PAPPA: variants seen among roughly 807,000 people sequenced by gnomAD.
PAPPA encodes pappalysin 1.
A neutral mutation model predicts 164.0 loss-of-function variants in PAPPA; 60 were observed. The observed-to-expected ratio is 0.37, with a 90% CI of 0.30 to 0.45. PAPPA has a LOEUF of 0.45. Among genes scored for constraint, PAPPA ranks in the 20% least tolerant of loss-of-function variants. The probability of loss-of-function intolerance (pLI) is 1.00; values close to 1 mark genes in which losing one functional copy is unlikely to be tolerated. For missense variants in PAPPA, 1,782 were observed against 2,087.3 expected (o/e 0.85, Z 2.85); for synonymous variants, 875 against 814.1 (o/e 1.07, Z -1.27).
intron 19 of PAPPA, among the ~76,000 whole-genome samples, chr9:116,376,094 C>A (rs1018536899): frequency 2.0e-5 from 3 of 147,952 alleles, no homozygotes; most frequent in Non-Finnish European, 4.4e-5. Context: ...GATGTCAGCT[C>A]ACTGCAACAT....
chr9:116,172,012 G>T (rs1295130057), intron 1 of PAPPA, among the ~76,000 whole-genome samples: 1 of 152,192 alleles, frequency 6.6e-6, no homozygotes, highest in Non-Finnish European at 1.5e-5. Context: ...TCTGGAAGTT[G>T]AGTCTACTCT....
At chr9:116,340,165 A>G (rs763338076) in intron 13 of PAPPA, among the ~76,000 whole-genome samples, 6 of 152,142 alleles carry the variant, frequency 3.9e-5, no homozygotes, top group Non-Finnish European at 8.8e-5. Context: ...TTGACTGCCC[A>G]TCACTGTTAT....
Position 116,220,050 on chromosome 9 carries a change from GC to G in PAPPA, c.2038del (p.Gln680LysfsTer10). ...CAGGAAACCAGCGCCTGTTGCCCTC[GC>G]CCCCCAAGTTCTGGGCCACACAACG... ...PSRKPAPVAL[A>X]PQVLGHTTDS... is the part of the protein sequence containing the mutation. On this transcript the variant is annotated frameshift_variant, in exon 5 of 22. Transcript: ENST00000328252. LOFTEE classifies it high-confidence loss of function. 1 of 1,613,960 alleles carries G rather than the reference GC, an allele frequency of 6.2e-7. No individual in the cohort carries two copies. Among genetic ancestry groups the G allele is most frequent in the Non-Finnish European group, 8.5e-7 (1 of 1,179,964 alleles).
intron 9 of PAPPA, among the ~76,000 whole-genome samples, chr9:116,277,718 C>A (rs527864190): frequency 3.3e-5 from 5 of 152,192 alleles, no homozygotes; most frequent in Admixed American, 3.3e-4. Context: ...CACTCTGTCA[C>A]CCAGCTGGGG....
At chr9:116,288,410 T>C (rs1356226456) in intron 9 of PAPPA, among the ~76,000 whole-genome samples, 1 of 150,220 alleles carries the variant, frequency 6.7e-6, no homozygotes. Context: ...AGGACCAATT[T>C]ATTTCTGTCT....
intron 14 of PAPPA, among the ~76,000 whole-genome samples, chr9:116,346,137 C>G (rs888277019): frequency 3.9e-5 from 6 of 152,130 alleles, no homozygotes; most frequent in Non-Finnish European, 7.3e-5. Context: ...GGAAAATGTC[C>G]TTTGCTTTTA....
intron 5 of PAPPA, among the ~76,000 whole-genome samples, chr9:116,225,838 C>T (rs185598779): frequency 6.8e-6 from 1 of 147,528 alleles, no homozygotes; most frequent in African/African-American, 2.6e-5. Flanking sequence ...TCCATCCATC[C>T]ATCCATCCAT....
intron 9 of PAPPA, among the ~76,000 whole-genome samples, chr9:116,301,349 T>G (rs1267198287): frequency 1.3e-5 from 2 of 152,346 alleles, no homozygotes; most frequent in East Asian, 3.9e-4. Context: ...TCCTGCAACA[T>G]GTAGACTTAA....
At chr9:116,286,648 C>T (rs1845343124) in intron 9 of PAPPA, 1 of 152,134 alleles carries the variant, frequency 6.6e-6, no homozygotes, top group East Asian at 1.9e-4. Flanking sequence ...ACTCGGATTT[C>T]ACTCTAAAAA....
intron 19 of PAPPA, among the ~76,000 whole-genome samples, chr9:116,374,111 A>G (rs1846613696): frequency 6.6e-6 from 1 of 150,842 alleles, no homozygotes; most frequent in African/African-American, 2.4e-5. Flanking sequence ...TGGTGGTGCT[A>G]TGATGATGAT....
chr9:116,355,760 A>T (rs2118606006), intron 17 of PAPPA, among the ~76,000 whole-genome samples: 1 of 152,356 alleles, frequency 6.6e-6, no homozygotes, highest in East Asian at 1.9e-4. Context: ...GTGTAAATGT[A>T]TCAGACGACT....
chr9:116,364,799 A>T (rs1007726627), intron 18 of PAPPA, among the ~76,000 whole-genome samples: 1 of 152,144 alleles, frequency 6.6e-6, no homozygotes, highest in Non-Finnish European at 1.5e-5. Context: ...TTACCCACTG[A>T]GTGTTTTCAT....
intron 17 of PAPPA, among the ~76,000 whole-genome samples, chr9:116,358,844 C>G (rs1846386522): frequency 1.3e-5 from 2 of 152,192 alleles, no homozygotes; most frequent in Admixed American, 1.3e-4. Flanking sequence ...TGGCTGCTGT[C>G]AGTTCCAAAA....
At chr9:116,175,686 G>A (rs1165044511) in intron 1 of PAPPA, among the ~76,000 whole-genome samples, 1 of 152,120 alleles carries the variant, frequency 6.6e-6, no homozygotes, top group African/African-American at 2.4e-5. Context: ...TATATGGAGG[G>A]TTCTATATAG....
At position 116,302,823 on chromosome 9, in the gene PAPPA, G is replaced by A. The variant is rs10983107; in HGVS notation, c.3020G>A (p.Ser1007Asn). ...GVCEEFEQKT[S>N]IKDCGVYTPQ... is the part of the protein sequence containing the mutation. ...TGTGAGGAGTTTGAACAAAAAACCAGCATTAAGGACTGTGGTGTCTACACG... is the reference window on the plus strand; with the variant it reads ...TGTGAGGAGTTTGAACAAAAAACCAACATTAAGGACTGTGGTGTCTACACG... The change falls in exon 10 of 22, where the codon AGC becomes AAC. Residue 1007 changes from serine to asparagine, a missense_variant. Transcript: ENST00000328252. 6.2e-7 allele frequency: 1 copy of A among 1,614,046 alleles called. No individual in the cohort carries two copies. Among genetic ancestry groups the A allele is most frequent in the African/African-American group, 1.3e-5 (1 of 75,024 alleles).
At chr9:116,267,667 A>G (rs1419253935) in intron 8 of PAPPA, among the ~76,000 whole-genome samples, 1 of 151,958 alleles carries the variant, frequency 6.6e-6, no homozygotes, top group Non-Finnish European at 1.5e-5. Flanking sequence ...AGGTCAGGAG[A>G]TCGAGACCAT....
chr9:116,187,715 T>C lies in PAPPA; in HGVS notation c.977T>C (p.Leu326Pro), dbSNP rs780444711. Residue 326 changes from leucine to proline, a missense_variant, in exon 2 of 22, where the codon CTG (leucine) becomes CCG (proline). By Grantham distance (98) the Leu-to-Pro change is moderately conservative. Coordinates refer to ENST00000328252, the MANE Select transcript of PAPPA (RefSeq NM_002581.5). The surrounding 1 kb of genome is among the most constrained non-coding windows in gnomAD (Gnocchi z 4.2). ...CTGGACACGAGTCTGGAGCCTCCTC[T>C]GTGCGGACAGACATTGTGTGACAAC... Reference protein sequence around the residue: ...FLLDTSLEPPLCGQTLCDNTE... With the variant: ...FLLDTSLEPPPCGQTLCDNTE... 25 of 1,614,148 alleles carry C rather than the reference T, an allele frequency of 1.5e-5. No homozygotes were observed. Among genetic ancestry groups the C allele is most frequent in the Non-Finnish European group, 2.0e-5 (24 of 1,180,058 alleles).
rs1308647598 is a variant in PAPPA at position 116,352,793 on chromosome 9, C to T, written c.4052C>T (p.Pro1351Leu). The T allele has an allele frequency of 3.1e-6, 5 of 1,613,940 alleles. No individual in the cohort carries two copies. Among genetic ancestry groups the T allele is most frequent in the Non-Finnish European group, 3.4e-6 (4 of 1,179,986 alleles). Residue 1351 changes from proline (P) to leucine (L), a missense_variant, in exon 16 of 22, where the codon CCT (proline) becomes CTT (leucine). Physicochemically the swap from Pro to Leu is moderately conservative, Grantham distance 98. This residue lies in a region of PAPPA where 1,324 missense variants were observed against 1,656.9 expected (regional missense o/e 0.80). Transcript: ENST00000328252. ...GAGCTCATGTGCCTCGCTCCACCCC[C>T]TGTGCCCAATGCAGACCTCCAGACC... ...LCELMCLAPP[P>L]VPNADLQTAR...
chr9:116,300,962 T>C (rs1254426894), intron 9 of PAPPA, among the ~76,000 whole-genome samples: 1 of 152,124 alleles, frequency 6.6e-6, no homozygotes, highest in Non-Finnish European at 1.5e-5. Context: ...GGGACTATAA[T>C]TTCTACATTA....
Sources: gnomAD v4.1 joint callset for allele counts (sites outside exome capture counted in the v4.1 genomes callset) on GRCh38, gnomAD v4.1.1 for gene constraint, gnomAD v4.1.1 regional missense constraint, Gnocchi (gnomAD v3.1) non-coding constraint, MANE v1.5 for transcripts, NCBI Gene and HGNC (gene_info 2026-07-23, HGNC 2026-07-21) for gene names.